COL21A1: variants seen among roughly 807,000 people sequenced by gnomAD.
COL21A1 encodes collagen type XXI alpha 1 chain, also known as collagen alpha-1(XXI) chain.
A neutral mutation model predicts 137.9 loss-of-function variants in COL21A1; 149 were observed. That is an observed-to-expected ratio of 1.08 (90% CI 0.95 to 1.24). COL21A1 has a LOEUF of 1.24. Among genes scored for constraint, COL21A1 ranks in the 50% most tolerant of loss-of-function variants. The pLI is 0.00. For synonymous variants in COL21A1, 456 were observed against 391.5 expected (o/e 1.16, Z -1.95); for missense variants, 1,167 against 1,158.4 (o/e 1.01, Z -0.11).
intron 1 of COL21A1, among the ~76,000 whole-genome samples, chr6:56,222,953 G>A (rs1416735125): frequency 1.3e-5 from 2 of 151,676 alleles, no homozygotes; most frequent in Non-Finnish European, 2.9e-5. Context: ...TCATACCAGT[G>A]AGTATCATGT....
chr6:56,142,175 A>G (rs1324899553), intron 10 of COL21A1, among the ~76,000 whole-genome samples, 192 bp from the exon 11 acceptor site: 1 of 152,104 alleles, frequency 6.6e-6, no homozygotes, highest in Non-Finnish European at 1.5e-5. Context: ...AATCCTTTAA[A>G]AAGTATATAG....
chr6:56,356,967 A>G (rs1185146792), intron 1 of COL21A1, among the ~76,000 whole-genome samples: 1 of 152,090 alleles, frequency 6.6e-6, no homozygotes, highest in Non-Finnish European at 1.5e-5. Flanking sequence ...ATTCTTCAGT[A>G]TTCTGTGCAT....
chr6:56,389,660 A>G (rs1307285574), intron 1 of COL21A1, among the ~76,000 whole-genome samples: 1 of 152,234 alleles, frequency 6.6e-6, no homozygotes, highest in African/African-American at 2.4e-5. Context: ...TCGAAGGTCA[A>G]GGATAAAAGA....
In COL21A1 at chr6:56,308,369, A is replaced by T. The variant is rs1037870218; in HGVS notation, c.-39+85602T>A. Among the ~76,000 whole-genome samples, 6 of 152,236 alleles carry T rather than the reference A, an allele frequency of 3.9e-5. No individual in the cohort carries two copies. The East Asian group carries it at 1.2e-3, about 29-fold the overall frequency. ...CCAGGACTGTGAGAAATCAATTTCT[A>T]TCATTTATAAATGACTCAGCCTGTG... On this transcript the variant is annotated intron_variant, in intron 1 of 28. Transcript: ENST00000370819.
chr6:56,090,344 A>G (rs1357456795), intron 17 of COL21A1, among the ~76,000 whole-genome samples: 2 of 152,236 alleles, frequency 1.3e-5, no homozygotes, highest in African/African-American at 4.8e-5. Flanking sequence ...GTTTGATGGT[A>G]GTCCAGTTTT....
chr6:56,182,365 C>A (rs1363670464), intron 2 of COL21A1, among the ~76,000 whole-genome samples, 166 bp downstream of exon 2: 1 of 152,236 alleles, frequency 6.6e-6, no homozygotes, highest in East Asian at 1.9e-4. Context: ...CTGAGGGAAG[C>A]TTTTCTTCTC....
chr6:56,161,076 T>C (rs538485414), intron 9 of COL21A1, among the ~76,000 whole-genome samples: 1 of 152,270 alleles, frequency 6.6e-6, no homozygotes, highest in East Asian at 1.9e-4. Flanking sequence ...GTAAATGCCC[T>C]TGGCCCTTGA....
At chr6:56,348,309 A>C (rs1199889248) in intron 1 of COL21A1, among the ~76,000 whole-genome samples, 3 of 152,184 alleles carry the variant, frequency 2.0e-5, no homozygotes, top group Admixed American at 1.3e-4. Flanking sequence ...TTTTCAGTGA[A>C]GTGAAAATTC....
intron 12 of COL21A1, 39 bp downstream of exon 12, chr6:56,141,746 G>T: frequency 1.9e-6 from 3 of 1,596,952 alleles, no homozygotes; most frequent in Non-Finnish European, 2.6e-6. Context: ...TTATCTTTGA[G>T]GGACTAACAC....
intron 1 of COL21A1, among the ~76,000 whole-genome samples, chr6:56,316,499 T>TTTTTTTTTTA (rs1554182372): frequency 4.1e-5 from 6 of 145,210 alleles, no homozygotes; most frequent in Non-Finnish European, 6.0e-5. Flanking sequence ...TTTTTTTTTT[T>TTTTTTTTTTA]GAGACAGAGT....
chr6:56,381,311 G>A (rs1646624869), intron 1 of COL21A1, among the ~76,000 whole-genome samples: 1 of 152,150 alleles, frequency 6.6e-6, no homozygotes, highest in Non-Finnish European at 1.5e-5. Context: ...GGGAAAAAAT[G>A]AATGAGTGGA....
At chr6:56,195,821 T>C (rs1778982045) in intron 1 of COL21A1, among the ~76,000 whole-genome samples, 1 of 152,024 alleles carries the variant, frequency 6.6e-6, no homozygotes, top group Admixed American at 6.6e-5. Flanking sequence ...TTAATGCCAA[T>C]TCTCCCCAAA....
chr6:56,116,334 G>A (rs1771914285), intron 16 of COL21A1, among the ~76,000 whole-genome samples: 1 of 142,336 alleles, frequency 7.0e-6, no homozygotes, highest in Non-Finnish European at 1.5e-5. Context: ...AGACTTTTCA[G>A]TGGAAGGCTT....
rs143239637 is a variant in COL21A1 at position 56,162,720 on chromosome 6, A to T, written c.1371+1703T>A. 4.6e-3 allele frequency among the ~76,000 whole-genome samples: 696 copies of T among 152,326 alleles called. 10 individuals carry two copies. Among genetic ancestry groups the T allele is most frequent in the African/African-American group, 0.016 (668 of 41,576 alleles). ...CATTATATCTCATGCAGGTCAAATT[A>T]CTTTTATGTATAATATTCCAAGGTG... On this transcript the variant is annotated intron_variant, in intron 9 of 29. Coordinates refer to ENST00000244728, the MANE Select transcript of COL21A1 (RefSeq NM_030820.4).
rs9475570 is a variant in COL21A1, at chr6:56,132,798, T to C, written c.1543-6649A>G. Among the ~76,000 whole-genome samples the C allele has an allele frequency of 7.0e-3, 1,073 of 152,216 alleles. 14 individuals are homozygous for C. The highest frequency in any genetic ancestry group is 0.024 in the African/African-American group (1,003 of 41,536). ...CTTTCACGTGCTGCTCTCATGATAG[T>C]GAATATGTCTCATAAGATCTGATGG... On this transcript the variant is annotated intron_variant, in intron 12 of 29. Transcript: ENST00000244728.
chr6:56,394,100 G>A (rs1464153750), upstream of COL21A1: 1 of 152,348 alleles, frequency 6.6e-6, no homozygotes, highest in African/African-American at 2.4e-5. Flanking sequence ...AACCAGGGGT[G>A]TGAGTGGGAA....
intron 1 of COL21A1, among the ~76,000 whole-genome samples, chr6:56,389,231 G>A (rs1039844554): frequency 1.1e-4 from 16 of 151,810 alleles, no homozygotes; most frequent in East Asian, 7.8e-4. Flanking sequence ...GTGTGGTGGC[G>A]TGCACCTGTA....
At chr6:56,303,990 C>T (rs1015708320) in intron 1 of COL21A1, among the ~76,000 whole-genome samples, 2 of 152,170 alleles carry the variant, frequency 1.3e-5, no homozygotes, top group African/African-American at 4.8e-5. Context: ...TTGAGAGAAT[C>T]ATGCGGTTTT....
upstream of COL21A1, among the ~76,000 whole-genome samples, chr6:56,252,385 T>G (rs1782874264): frequency 6.6e-6 from 1 of 152,234 alleles, no homozygotes; most frequent in African/African-American, 2.4e-5. Context: ...ACCCTGCTTC[T>G]AGCCCTAACT....
Sources: gnomAD v4.1 joint callset for allele counts (sites outside exome capture counted in the v4.1 genomes callset) on GRCh38, gnomAD v4.1.1 for gene constraint, MANE v1.5 for transcripts, NCBI Gene and HGNC (gene_info 2026-07-23, HGNC 2026-07-21) for gene names.